The following CARD8 variants were observed in gnomAD, a reference collection of about 807,000 sequenced individuals.
The protein encoded by CARD8 is caspase recruitment domain-containing protein 8.
CARD8 carries 38 observed loss-of-function variants against 53.2 expected under a neutral mutation model. That is an observed-to-expected ratio of 0.71 (90% CI 0.55 to 0.94). The LOEUF is 0.94. CARD8 is among the 40% of genes least tolerant of loss of function. CARD8 has a pLI of 0.00. For missense variants in CARD8, 561 were observed against 655.5 expected (o/e 0.86, Z 1.57); for synonymous variants, 245 against 244.9 (o/e 1.00, Z 0.00).
At chr19:48,224,182 G>A (rs1191653780) in intron 10 of CARD8, among the ~76,000 whole-genome samples, 1 of 152,026 alleles carries the variant, frequency 6.6e-6, no homozygotes, top group Non-Finnish European at 1.5e-5. Flanking sequence ...GGCTGGTCTC[G>A]AACTCCTGAC....
At chr19:48,220,097 G>A (rs1262518526) in intron 11 of CARD8, among the ~76,000 whole-genome samples, 1 of 152,242 alleles carries the variant, frequency 6.6e-6, no homozygotes, top group Non-Finnish European at 1.5e-5. Flanking sequence ...TTTATGGAAG[G>A]TTCTGCAACA....
At chr19:48,241,416 C>CT (rs2045062253) in intron 3 of CARD8, among the ~76,000 whole-genome samples, 1 of 152,116 alleles carries the variant, frequency 6.6e-6, no homozygotes, top group Non-Finnish European at 1.5e-5. Context: ...CCACCATACC[C>CT]GGCTAATTTT....
At chr19:48,240,900 A>T (rs976806528) in intron 4 of CARD8, 62 bp downstream of exon 4, 21 of 1,256,232 alleles carry the variant, frequency 1.7e-5, no homozygotes, top group Non-Finnish European at 2.4e-5. Context: ...TATCTCATGA[A>T]CTATAACGAA....
At chr19:48,241,284 C>G (rs1286650253) in intron 3 of CARD8, among the ~76,000 whole-genome samples, 3 of 152,076 alleles carry the variant, frequency 2.0e-5, no homozygotes, top group Non-Finnish European at 4.4e-5. Context: ...TAGATGGAGT[C>G]TAGCTCTGTC....
At chr19:48,232,008 C>T (rs974251937) in intron 7 of CARD8, 198 bp from the exon 8 acceptor site, 12 of 671,336 alleles carry the variant, frequency 1.8e-5, no homozygotes, top group Non-Finnish European at 3.0e-5. Context: ...CATGACTAAA[C>T]GTATACACCA....
At chr19:48,213,121 A>G (rs1485900391) in intron 13 of CARD8, 3 of 152,202 alleles carry the variant, frequency 2.0e-5, no homozygotes, top group Non-Finnish European at 4.4e-5. Context: ...TCAGTCCCAC[A>G]TCTCTTCCTT....
At chr19:48,229,207 T>TGAAG (rs2146113811) in intron 10 of CARD8, among the ~76,000 whole-genome samples, 1 of 152,102 alleles carries the variant, frequency 6.6e-6, no homozygotes, top group South Asian at 2.1e-4. Context: ...AAGAAATAGG[T>TGAAG]GAAGACGGGC....
At chr19:48,239,320 G>A (rs2044514561) in intron 4 of CARD8, among the ~76,000 whole-genome samples, 1 of 152,096 alleles carries the variant, frequency 6.6e-6, no homozygotes, top group African/African-American at 2.4e-5. Context: ...TAAGGATACA[G>A]TACTCTCGTC....
chr19:48,230,168 G>C (rs1226102363), intron 10 of CARD8, among the ~76,000 whole-genome samples: 1 of 152,064 alleles, frequency 6.6e-6, no homozygotes, highest in African/African-American at 2.4e-5. Flanking sequence ...TCTGTCAGCT[G>C]GTCCCCCAAA....
intron 10 of CARD8, among the ~76,000 whole-genome samples, chr19:48,226,053 CAAA>C (rs35050640): frequency 1.3e-5 from 1 of 78,446 alleles, no homozygotes. Flanking sequence ...GACTCCGTCT[CAAA>C]AAAAAAAAAA....
rs772050510 is a variant in CARD8, at chr19:48,231,668, G to A, written c.534C>T (p.Asn178=). 3 of 1,601,882 alleles carry A rather than the reference G, an allele frequency of 1.9e-6. No individual in the cohort carries two copies. In the African/African-American group the frequency reaches 4.0e-5, roughly 22 times the overall value. ...VDVELIDKST[N]RYSVWFPTAG... ...GCATCTTCCATTCTTACCTGTATCT[G>A]TTTGTGCTCTTATCAATCAACTCAA... Residue 178 remains asparagine, a synonymous_variant, in exon 8 of 14, where the codon AAC becomes AAT. Transcript: ENST00000651546.
downstream of CARD8, among the ~76,000 whole-genome samples, chr19:48,207,082 C>T (rs1207696365): frequency 6.7e-6 from 1 of 148,988 alleles, no homozygotes; most frequent in Non-Finnish European, 1.5e-5. Flanking sequence ...GCAGGAGAAT[C>T]ACTTGAACCC....
intron 11 of CARD8, among the ~76,000 whole-genome samples, chr19:48,220,195 G>A (rs901640150): frequency 6.6e-6 from 1 of 152,212 alleles, no homozygotes; most frequent in Non-Finnish European, 1.5e-5. Context: ...GTTTATCAAG[G>A]AAACTGGGAA....
At chr19:48,248,578 C>A (rs989869252) in intron 3 of CARD8, among the ~76,000 whole-genome samples, 2 of 152,166 alleles carry the variant, frequency 1.3e-5, no homozygotes, top group Non-Finnish European at 2.9e-5. Context: ...ATAAGAAAAG[C>A]TGACAAAATC....
At chr19:48,206,902 C>T (rs186005047), downstream of CARD8, among the ~76,000 whole-genome samples, 27 of 152,260 alleles carry the variant, frequency 1.8e-4, no homozygotes, top group Admixed American at 1.7e-3. Flanking sequence ...TGTGGGGTGA[C>T]AAGTGTGGAG....
rs2039052674 is a variant in CARD8, at chr19:48,215,389, A to G, written c.1304-5T>C. 3 of 1,602,192 alleles carry G rather than the reference A, an allele frequency of 1.9e-6. No homozygotes were observed. The highest frequency in any genetic ancestry group is 1.3e-5 in the African/African-American group (1 of 74,752). ...CAGCTACAAGCTGGAGATCCACTAC[A>G]AAAGAGGGAAAAATTATATGATGAG... is the stretch of plus-strand genomic sequence containing the variant. On this transcript the variant is annotated splice_region_variant and splice_polypyrimidine_tract_variant and intron_variant, in intron 12 of 13. Transcript: ENST00000651546.
chr19:48,204,127 C>G, downstream of CARD8: 1 of 454,008 alleles, frequency 2.2e-6, no homozygotes, highest in Non-Finnish European at 4.4e-6. Flanking sequence ...GTCTGGGCGC[C>G]GGGGCTGCAG....
At chr19:48,236,186 T>C (rs1168775167) in intron 5 of CARD8, among the ~76,000 whole-genome samples, 2 of 152,204 alleles carry the variant, frequency 1.3e-5, no homozygotes, top group African/African-American at 4.8e-5. Flanking sequence ...CCTTGGGCTA[T>C]CTGCCATTGG....
At chr19:48,232,725 T>C (rs566713282) in intron 6 of CARD8, 5 of 660,356 alleles carry the variant, frequency 7.6e-6, no homozygotes, top group Admixed American at 2.1e-5. Context: ...GCTATAACAC[T>C]GTGTAGCAGA....
Sources: allele counts gnomAD v4.1 joint callset (sites outside exome capture counted in the v4.1 genomes callset), GRCh38; gene constraint gnomAD v4.1.1; transcripts MANE v1.5; gene names NCBI Gene and HGNC (gene_info 2026-07-23, HGNC 2026-07-21).